PTPRK: variants seen among roughly 807,000 people sequenced by gnomAD.
PTPRK encodes the protein protein tyrosine phosphatase receptor type K.
Under a neutral mutation model 178.0 loss-of-function variants are expected in PTPRK, and 75 were observed. The ratio of observed to expected loss-of-function variants is 0.42; its 90% confidence interval spans 0.35 to 0.51. The LOEUF is 0.51. Ranked by LOEUF, PTPRK falls within the 20% of genes least tolerant of loss-of-function variation. The pLI, the probability that PTPRK is intolerant of heterozygous loss-of-function variation, is 0.02. For missense variants in PTPRK, 1,441 were observed against 1,797.8 expected (o/e 0.80, Z 3.59); for synonymous variants, 637 against 620.6 (o/e 1.03, Z -0.39).
At chr6:128,153,830 A>G (rs1173611906) in intron 7 of PTPRK, among the ~76,000 whole-genome samples, 2 of 151,946 alleles carry the variant, frequency 1.3e-5, no homozygotes, top group Non-Finnish European at 2.9e-5. Flanking sequence ...TTCCCAAGAC[A>G]AAATGGTCTT....
At chr6:128,203,193 G>A (rs2128259425) in intron 6 of PTPRK, among the ~76,000 whole-genome samples, 1 of 152,226 alleles carries the variant, frequency 6.6e-6, no homozygotes, top group East Asian at 1.9e-4. Context: ...TATCGCAATA[G>A]ATGCAGAAAA....
chr6:128,051,346 G>C (rs1253319164), intron 13 of PTPRK, among the ~76,000 whole-genome samples: 1 of 152,050 alleles, frequency 6.6e-6, no homozygotes, highest in Admixed American at 6.6e-5. Flanking sequence ...GGAAAAGAAA[G>C]TCTCCCCAAC....
chr6:128,253,401 G>T (rs1340800219), intron 3 of PTPRK, among the ~76,000 whole-genome samples: 1 of 152,132 alleles, frequency 6.6e-6, no homozygotes, highest in African/African-American at 2.4e-5. Flanking sequence ...AAGAGTAGCA[G>T]AAAATTCATC....
At chr6:128,193,087 A>G (rs962232953) in intron 6 of PTPRK, among the ~76,000 whole-genome samples, 2 of 152,154 alleles carry the variant, frequency 1.3e-5, no homozygotes, top group African/African-American at 2.4e-5. Context: ...AGGTGTTAAC[A>G]TTAAGCCCTT....
intron 6 of PTPRK, among the ~76,000 whole-genome samples, chr6:128,211,676 T>C (rs543728171): frequency 6.6e-6 from 1 of 152,232 alleles, no homozygotes; most frequent in East Asian, 1.9e-4. Context: ...GAATGTATAT[T>C]AGCTAGCTTT....
chr6:128,503,842 T>TTGTGTG (rs57723685), intron 1 of PTPRK, among the ~76,000 whole-genome samples: 5,123 of 139,888 alleles, frequency 0.037, 209 homozygotes, highest in African/African-American at 0.1. Flanking sequence ...CTGGTTATTA[T>TTGTGTG]TGTGTGTGTG....
chr6:128,048,232 T>C (rs1163642992), intron 13 of PTPRK, among the ~76,000 whole-genome samples: 4 of 152,202 alleles, frequency 2.6e-5, no homozygotes, highest in Non-Finnish European at 5.9e-5. Flanking sequence ...ATGCAAATTC[T>C]TGGGCCTCTT....
chr6:128,152,574 G>T (rs1797419029), intron 7 of PTPRK, among the ~76,000 whole-genome samples: 1 of 151,476 alleles, frequency 6.6e-6, no homozygotes, highest in African/African-American at 2.4e-5. Flanking sequence ...AAAAATCAAT[G>T]TAGTGAGGAG....
At chr6:128,321,579 G>T (rs979762178) in intron 3 of PTPRK, 7 of 524,240 alleles carry the variant, frequency 1.3e-5, no homozygotes, top group Non-Finnish European at 2.3e-5. Context: ...CCTTAACATA[G>T]TTCATGAAAC....
chr6:128,398,516 A>G (rs748705048), intron 1 of PTPRK, among the ~76,000 whole-genome samples: 1 of 152,238 alleles, frequency 6.6e-6, no homozygotes, highest in Non-Finnish European at 1.5e-5. Context: ...GGTGAGAAGT[A>G]GAGGAAGAAT....
At chr6:128,497,862 G>A (rs1031542815) in intron 1 of PTPRK, among the ~76,000 whole-genome samples, 1 of 151,330 alleles carries the variant, frequency 6.6e-6, no homozygotes, top group Admixed American at 6.6e-5. Context: ...AGATGACTAC[G>A]AATCACTTTA....
intron 7 of PTPRK, among the ~76,000 whole-genome samples, chr6:128,171,432 C>T (rs1297614817): frequency 6.6e-6 from 1 of 151,924 alleles, no homozygotes; most frequent in East Asian, 1.9e-4. Flanking sequence ...TCTTTCTTAC[C>T]TTTCAAGGCA....
chr6:128,513,517 T>G (rs9491977), intron 1 of PTPRK, among the ~76,000 whole-genome samples: 5,590 of 147,314 alleles, frequency 0.038, 246 homozygotes, highest in African/African-American at 0.11. Context: ...AAGAAAGAAA[T>G]AAAGAAAAAG....
intron 7 of PTPRK, among the ~76,000 whole-genome samples, chr6:128,136,709 T>A (rs550228514): frequency 1.3e-5 from 2 of 152,314 alleles, no homozygotes; most frequent in East Asian, 3.9e-4. Context: ...AAAACCACTA[T>A]CTTATTTCTT....
At chr6:128,292,618 T>G (rs1392772911) in intron 3 of PTPRK, among the ~76,000 whole-genome samples, 1 of 152,068 alleles carries the variant, frequency 6.6e-6, no homozygotes, top group Non-Finnish European at 1.5e-5. Context: ...TATGTGTTAT[T>G]TTCTCTGTCA....
At chr6:128,330,330 T>C (rs1358666352) in intron 2 of PTPRK, among the ~76,000 whole-genome samples, 1 of 152,162 alleles carries the variant, frequency 6.6e-6, no homozygotes, top group East Asian at 1.9e-4. Context: ...ACCCTCCTTT[T>C]CATATCGTTC....
chr6:128,246,253 A>G (rs1175191064), intron 3 of PTPRK, among the ~76,000 whole-genome samples: 1 of 152,138 alleles, frequency 6.6e-6, no homozygotes, highest in Non-Finnish European at 1.5e-5. Context: ...AGTATTCATT[A>G]AATTATTTTA....
At chr6:127,983,756 A>G (rs969111444) in intron 22 of PTPRK, among the ~76,000 whole-genome samples, 3 of 152,216 alleles carry the variant, frequency 2.0e-5, no homozygotes, top group African/African-American at 7.2e-5. Context: ...TTTTAGATTC[A>G]TCTAGTTGTG....
intron 5 of PTPRK, among the ~76,000 whole-genome samples, chr6:128,222,901 G>A (rs1007285867): frequency 6.6e-6 from 1 of 152,062 alleles, no homozygotes; most frequent in Admixed American, 6.6e-5. Context: ...TGATTTCCAC[G>A]TGACCTGATC....
Sources: allele counts gnomAD v4.1 joint callset (sites outside exome capture counted in the v4.1 genomes callset), GRCh38; gene constraint gnomAD v4.1.1; transcripts MANE v1.5; gene names NCBI Gene and HGNC (gene_info 2026-07-23, HGNC 2026-07-21).